Variants in ADCY7 observed in about 807,000 individuals in gnomAD.
The protein encoded by ADCY7 is adenylate cyclase 7.
A neutral mutation model predicts 120.6 loss-of-function variants in ADCY7; 72 were observed. The ratio of observed to expected loss-of-function variants is 0.60; its 90% CI spans 0.49 to 0.73. ADCY7 has a LOEUF of 0.73. Among genes scored for constraint, ADCY7 ranks in the 30% least tolerant of loss-of-function variants. The pLI is 0.00. For missense variants in ADCY7, 1,227 were observed against 1,486.0 expected, an observed-to-expected ratio of 0.83 and a Z score of 2.87; for synonymous variants, 661 against 628.0, an observed-to-expected ratio of 1.05 and a Z score of -0.78.
chr16:50,314,796 A>T, intron 24 of ADCY7: 1 of 571,804 alleles, frequency 1.7e-6, no homozygotes. Flanking sequence ...TTAACATCAA[A>T]CCCAGACTTC....
At chr16:50,262,825 C>T (rs560670864), upstream of ADCY7, among the ~76,000 whole-genome samples, 4 of 152,192 alleles carry the variant, frequency 2.6e-5, no homozygotes, top group East Asian at 5.8e-4. Context: ...CAAGCAGAAA[C>T]CAGCCTTCCC....
At chr16:50,296,026 G>C (rs1340130949) in intron 7 of ADCY7, among the ~76,000 whole-genome samples, 3 of 152,172 alleles carry the variant, frequency 2.0e-5, no homozygotes, top group Non-Finnish European at 4.4e-5. Context: ...TAAAACACCA[G>C]TGCCCATGTC....
rs144290211 is a variant in ADCY7 at position 50,304,536 on chromosome 16, C to G, written c.1545C>G (p.Asn515Lys). Residue 515 changes from asparagine to lysine, a missense_variant, in exon 11 of 26, where the codon AAC (asparagine) becomes AAG (lysine). By Grantham distance (94) the Asn-to-Lys change is moderately conservative (BLOSUM62 0). Transcript: ENST00000673801. ...GCAGTGGTGAGACCCACGTCCCCAA[C>G]GGGCGGAGGCCTAAGGTAGGTCCCC... Reference protein sequence around the residue: ...SVSSGETHVPNGRRPKSVPQR... With the variant: ...SVSSGETHVPKGRRPKSVPQR... The G allele has an allele frequency of 2.6e-6, 4 of 1,555,380 alleles. No individual in the cohort carries two copies. The African/African-American group carries it at 5.5e-5, about 21-fold the overall frequency.
intron 1 of ADCY7, among the ~76,000 whole-genome samples, chr16:50,252,802 A>T (rs1370346528): frequency 6.6e-6 from 1 of 152,238 alleles, no homozygotes; most frequent in Non-Finnish European, 1.5e-5. Context: ...TTTTTAAAGT[A>T]CAGAAACAAT....
intron 4 of ADCY7, 114 bp from the exon 5 acceptor site, chr16:50,292,562 G>A (rs765359712): frequency 1.5e-6 from 2 of 1,324,984 alleles, no homozygotes; most frequent in Non-Finnish European, 1.0e-6. Context: ...ATTCTCAGTG[G>A]GTTGAAGGTC....
intron 1 of ADCY7, among the ~76,000 whole-genome samples, chr16:50,250,685 A>G (rs2032733238): frequency 6.6e-6 from 1 of 152,174 alleles, no homozygotes. Context: ...TATAAAGCAC[A>G]TCAGTGGGAT....
Position 50,306,031 on chromosome 16 carries a change from C to T in ADCY7, c.1752+182C>T, listed in dbSNP as rs115702048. Reference sequence around the variant, plus strand: ...GGGCCAGTGCAGCACCAGCCTGGCTCTCTCCTGTCGGCTTCATTCCATGAC... The same window carrying T: ...GGGCCAGTGCAGCACCAGCCTGGCTTTCTCCTGTCGGCTTCATTCCATGAC... On this transcript the variant is annotated intron_variant, in intron 14 of 25. Transcript: ENST00000673801. 6.9e-3 allele frequency among the ~76,000 whole-genome samples: 1,053 copies of T among 152,314 alleles called. 8 individuals carry two copies. The highest frequency in any genetic ancestry group is 0.024 in the African/African-American group (980 of 41,574).
chr16:50,308,911 T>A lies in ADCY7; in HGVS notation c.2061+119T>A, dbSNP rs2036263340. On this transcript the variant is annotated intron_variant, in intron 17 of 25. Transcript: ENST00000673801. ...TGTCCTCTCCCCCGAGCTCAGCAGGTGGATGTGGGGGGTTCCCCTTTGTAC... is the reference window on the plus strand; with the variant it reads ...TGTCCTCTCCCCCGAGCTCAGCAGGAGGATGTGGGGGGTTCCCCTTTGTAC... 15 of 1,313,236 alleles carry A rather than the reference T, an allele frequency of 1.1e-5. 1 individual carries two copies. The highest frequency in any genetic ancestry group is 2.2e-4 in the Middle Eastern group (1 of 4,650). The allele number at this position is 1,313,236 out of a possible 1,614,324, so 81.3% of individuals were successfully genotyped here. A position where few individuals can be genotyped will look rare whatever the true frequency, so the allele number is the denominator to read the frequency against.
intron 1 of ADCY7, among the ~76,000 whole-genome samples, chr16:50,251,154 C>T (rs906146416): frequency 6.6e-6 from 1 of 151,752 alleles, no homozygotes; most frequent in Non-Finnish European, 1.5e-5. Flanking sequence ...GCAGGAGGAT[C>T]ACTTGAGCCC....
intron 1 of ADCY7, among the ~76,000 whole-genome samples, chr16:50,278,701 T>A (rs1322846482): frequency 6.6e-6 from 1 of 152,194 alleles, no homozygotes; most frequent in Non-Finnish European, 1.5e-5. Flanking sequence ...AATCCTGGTA[T>A]AAGTTGTGAA....
intron 1 of ADCY7, among the ~76,000 whole-genome samples, chr16:50,272,422 C>T (rs978221821): frequency 1.3e-5 from 2 of 152,228 alleles, no homozygotes; most frequent in African/African-American, 4.8e-5. Flanking sequence ...TCGGGCGCAG[C>T]TGACTGAGAT....
rs917720671 is a variant in ADCY7 at position 50,259,659 on chromosome 16, G to A, written c.-64+13456G>A. ...GGGCTGTTCATCTTTCCTTGTTGTG[G>A]CATTGGAACTCAGCCAAGCAGCAGC... On this transcript the variant is annotated intron_variant, in intron 1 of 4. Coordinates refer to the ADCY7 transcript ENST00000564044. Among the ~76,000 whole-genome samples the A allele has an allele frequency of 3.3e-5, 5 of 152,186 alleles. No individual in the cohort carries two copies. In the East Asian group the frequency reaches 5.8e-4, roughly 18 times the overall value.
chr16:50,308,789 C>T lies in ADCY7; in HGVS notation c.2058C>T (p.Asn686=), dbSNP rs765802643. 1.2e-5 allele frequency: 20 copies of T among 1,607,530 alleles called. No individual in the cohort carries two copies. Among genetic ancestry groups the T allele is most frequent in the Non-Finnish European group, 1.7e-5 (20 of 1,177,720 alleles). The part of the protein sequence containing the change: ...IGSLLTVAII[N]LPLMPFQVPE... ...GCCTGCTCACTGTGGCCATCATCAA[C>T]CTGGTGGGTCCCGTGGTGGGGAGGC... Residue 686 remains asparagine (N), a synonymous_variant, in exon 17 of 26, where the codon AAC becomes AAT. Coordinates refer to ENST00000673801, the MANE Select transcript of ADCY7 (RefSeq NM_001114.5).
chr16:50,281,071 G>C (rs905778826), intron 1 of ADCY7, among the ~76,000 whole-genome samples: 1 of 152,126 alleles, frequency 6.6e-6, no homozygotes, highest in Non-Finnish European at 1.5e-5. Context: ...TAGGAGATGC[G>C]GTGGGGGGCC....
In ADCY7 at chr16:50,315,356, C is replaced by T; in HGVS notation, c.3097-3C>T. ...AAGACAACAGGTCTCTCTTCCTTTT[C>T]AGGTTACCGAGGAGACCTGCACCAT... is the stretch of plus-strand genomic sequence containing the variant. On this transcript the variant is annotated splice_region_variant and splice_polypyrimidine_tract_variant and intron_variant, in intron 25 of 25. Coordinates refer to ENST00000673801, the MANE Select transcript of ADCY7 (RefSeq NM_001114.5). 1 of 1,602,958 alleles carries T rather than the reference C, an allele frequency of 6.2e-7. No homozygotes were observed. Among genetic ancestry groups the T allele is most frequent in the Non-Finnish European group, 8.5e-7 (1 of 1,170,736 alleles).
In ADCY7 at chr16:50,311,803, C is replaced by A. The variant is rs79444364; in HGVS notation, c.2448+17C>A. The A allele has an allele frequency of 1.9e-4, 158 of 816,972 alleles. No homozygotes were observed. Among genetic ancestry groups the A allele is most frequent in the East Asian group, 8.3e-4 (21 of 25,428 alleles). The allele number at this position is 816,972 out of a possible 1,614,324, so 50.6% of individuals were successfully genotyped here. ...TCCAGACAGGTAAGGAGGCTGGCCC[C>A]CCCCCCCCCCCCAAGCTCTGCCCAC... On this transcript the variant is annotated intron_variant, in intron 20 of 25. Coordinates refer to ENST00000673801, the MANE Select transcript of ADCY7 (RefSeq NM_001114.5).
At chr16:50,260,115 T>C (rs941823883) in intron 1 of ADCY7, among the ~76,000 whole-genome samples, 1 of 152,172 alleles carries the variant, frequency 6.6e-6, no homozygotes, top group African/African-American at 2.4e-5. Flanking sequence ...CCCTGCTCTG[T>C]CCTCCCACGT....
chr16:50,305,795 C>T lies in ADCY7; in HGVS notation c.1698C>T (p.Ser566=), dbSNP rs200423356. The part of the protein sequence containing the change: ...LSSTRPCCSK[S]DDFYTFGSIF... Reference sequence around the variant, plus strand: ...CCCACAGGCCCTGCTGCTCCAAGTCCGATGACTTCTACACCTTTGGGTCCA... The same window carrying T: ...CCCACAGGCCCTGCTGCTCCAAGTCTGATGACTTCTACACCTTTGGGTCCA... The change falls in exon 14 of 26, where the codon TCC becomes TCT. Residue 566 remains serine (S), a synonymous_variant. Coordinates refer to ENST00000673801, the MANE Select transcript of ADCY7 (RefSeq NM_001114.5). 20 of 1,613,984 alleles carry T rather than the reference C, an allele frequency of 1.2e-5. No homozygotes were observed. The highest frequency in any genetic ancestry group is 8.3e-5 in the Admixed American group (5 of 60,018).
At chr16:50,304,575 A>T in intron 11 of ADCY7, 24 bp downstream of exon 11, 2 of 1,516,626 alleles carry the variant, frequency 1.3e-6, no homozygotes, top group Non-Finnish European at 1.8e-6. Context: ...CCACCCAGAA[A>T]GCCAGGGATT....
Sources: gnomAD v4.1 joint callset for allele counts (sites outside exome capture counted in the v4.1 genomes callset) on GRCh38, gnomAD v4.1.1 for gene constraint, MANE v1.5 for transcripts, NCBI Gene and HGNC (gene_info 2026-07-23, HGNC 2026-07-21) for gene names.